The following PTCHD4 variants were observed in gnomAD, a reference collection of about 807,000 sequenced individuals.
The protein encoded by PTCHD4 is patched domain containing 4.
Under a neutral mutation model 58.1 loss-of-function variants are expected in PTCHD4, and 33 were observed. The ratio of observed to expected loss-of-function variants is 0.57; its 90% CI spans 0.43 to 0.76. PTCHD4 has a LOEUF of 0.76. Among genes scored for constraint, PTCHD4 ranks in the 30% least tolerant of loss-of-function variants. The pLI, the probability that PTCHD4 is intolerant of heterozygous loss-of-function variation, is 0.00. For missense variants in PTCHD4, 1,058 were observed against 1,027.1 expected (o/e 1.03, Z -0.41); for synonymous variants, 478 against 409.6 (o/e 1.17, Z -2.02).
At chr6:47,914,708 GTC>G (rs1382005950) in intron 4 of PTCHD4, among the ~76,000 whole-genome samples, 1 of 82,458 alleles carries the variant, frequency 1.2e-5, no homozygotes, top group African/African-American at 3.5e-5. Context: ...CTGTCTGTCT[GTC>G]TCTCTGTCTG....
chr6:48,095,669 A>G (rs1254335381), intron 1 of PTCHD4, among the ~76,000 whole-genome samples: 1 of 151,926 alleles, frequency 6.6e-6, no homozygotes, highest in Non-Finnish European at 1.5e-5. Context: ...AGCCTAGGCT[A>G]CAGAGCAAGA....
At chr6:47,914,722 C>CTATCTATCTAT (rs199624434) in intron 4 of PTCHD4, among the ~76,000 whole-genome samples, 2 of 89,636 alleles carry the variant, frequency 2.2e-5, no homozygotes, top group African/African-American at 6.7e-5. Context: ...CTCTGTCTGT[C>CTATCTATCTAT]TATCTATCTA....
chr6:48,104,645 G>A (rs1381882692), intron 1 of PTCHD4, among the ~76,000 whole-genome samples: 3 of 152,218 alleles, frequency 2.0e-5, no homozygotes, highest in Admixed American at 6.5e-5. Context: ...CAATTAAAAG[G>A]CACAGATTGG....
At chr6:47,939,119 T>G (rs1581907206) in intron 4 of PTCHD4, among the ~76,000 whole-genome samples, 1 of 151,958 alleles carries the variant, frequency 6.6e-6, no homozygotes. Flanking sequence ...GGAGAAGAGG[T>G]AGCTGAGCCT....
intron 4 of PTCHD4, among the ~76,000 whole-genome samples, chr6:47,972,319 A>G (rs1033358840): frequency 6.6e-6 from 1 of 152,214 alleles, no homozygotes; most frequent in Non-Finnish European, 1.5e-5. Flanking sequence ...AAGTGGGAGG[A>G]TAATGGTTAT....
chr6:48,050,902 C>A (rs946180846), intron 3 of PTCHD4, among the ~76,000 whole-genome samples: 5 of 152,010 alleles, frequency 3.3e-5, no homozygotes, highest in African/African-American at 1.2e-4. Context: ...ATTTTCTATT[C>A]ATGATAATTG....
chr6:48,017,902 C>A (rs1359816105), intron 3 of PTCHD4, among the ~76,000 whole-genome samples: 1 of 152,138 alleles, frequency 6.6e-6, no homozygotes, highest in Non-Finnish European at 1.5e-5. Flanking sequence ...TGCTTAGAGT[C>A]CCAAACTCAA....
chr6:47,950,223 C>T (rs550909964), intron 4 of PTCHD4, among the ~76,000 whole-genome samples: 52 of 152,160 alleles, frequency 3.4e-4, no homozygotes, highest in African/African-American at 1.2e-3. Flanking sequence ...GATTGTTTTA[C>T]TTGAAAAGCT....
Position 47,878,090 on chromosome 6 carries a change from AGAG to A in PTCHD4, c.*210_*212del. 2.3e-6 allele frequency: 1 copy of A among 441,296 alleles called. No individual in the cohort carries two copies. Among genetic ancestry groups the A allele is most frequent in the Non-Finnish European group, 4.0e-6 (1 of 250,702 alleles). 27.3% of individuals were successfully genotyped at this position (441,296 alleles called of 1,614,324 possible). A position where few individuals can be genotyped will look rare whatever the true frequency, so the allele number is the denominator to read the frequency against. On this transcript the variant is annotated 3_prime_UTR_variant, in exon 5 of 5. Transcript: ENST00000339488. ...AGATTACATCCAGAAACTTGTTTTT[AGAG>A]GAGAACAAGGTTGCAAATAACTTTT...
chr6:47,984,239 A>G (rs762096535), intron 4 of PTCHD4, among the ~76,000 whole-genome samples: 1 of 152,198 alleles, frequency 6.6e-6, no homozygotes, highest in African/African-American at 2.4e-5. Context: ...GAAACTGGGT[A>G]ATTTATAAAG....
Position 47,889,627 on chromosome 6 carries a change from G to C in PTCHD4, c.899-9691C>G, listed in dbSNP as rs1369744681. Reference sequence around the variant, plus strand: ...GAAAGGATTCCCTATTTAATAAATGGTGCTGGGAAAACTGGCTAGCCATAT... The same window carrying C: ...GAAAGGATTCCCTATTTAATAAATGCTGCTGGGAAAACTGGCTAGCCATAT... On this transcript the variant is annotated intron_variant, in intron 4 of 4. Coordinates refer to ENST00000339488, the MANE Select transcript of PTCHD4 (RefSeq NM_001384253.1). Among the ~76,000 whole-genome samples the C allele has an allele frequency of 4.6e-5, 7 of 151,876 alleles. No individual in the cohort carries two copies. The East Asian group carries it at 5.8e-4, about 13-fold the overall frequency.
At chr6:48,107,928 G>A (rs1419727841) in intron 1 of PTCHD4, among the ~76,000 whole-genome samples, 5 of 152,222 alleles carry the variant, frequency 3.3e-5, no homozygotes, top group Middle Eastern at 3.4e-3. Context: ...TTAGAATGGA[G>A]ATCATTAAAA....
At chr6:48,102,246 T>C (rs994969498) in intron 1 of PTCHD4, among the ~76,000 whole-genome samples, 1 of 152,198 alleles carries the variant, frequency 6.6e-6, no homozygotes, top group African/African-American at 2.4e-5. Context: ...AGAAATCCTC[T>C]TCCACAATTT....
rs373856392 is a variant in PTCHD4 at position 47,878,825 on chromosome 6, G to A, written c.2010C>T (p.Ile670=). 57 of 1,613,646 alleles carry A rather than the reference G, an allele frequency of 3.5e-5. No homozygotes were observed. The East Asian group carries it at 6.7e-4, about 19-fold the overall frequency. Reference sequence around the variant, plus strand: ...GGTGGATCACTAGGAAAAAAGTCAGGATTAACACCAGGAGAACACCAAAGC... The same window carrying A: ...GGTGGATCACTAGGAAAAAAGTCAGAATTAACACCAGGAGAACACCAAAGC... ...IAGFGVLLVL[I]LTFFLVIHPL... is the part of the protein sequence containing the mutation. The change falls in exon 5 of 5, where the codon ATC becomes ATT. Residue 670 remains isoleucine (I), a synonymous_variant. Coordinates refer to ENST00000339488, the MANE Select transcript of PTCHD4 (RefSeq NM_001384253.1).
Position 47,879,025 on chromosome 6 carries a change from G to C in PTCHD4, c.1810C>G (p.Arg604Gly). The stretch of plus-strand genomic sequence containing the variant: ...CTAGTCCTGGCCACCAGATACAAGC[G>C]AGAAGCAATGATATTGCTTTCATCC... ...AGDESNIIAS[R>G]LYLVARTSRD... Residue 604 changes from arginine (R) to glycine (G), a missense_variant, in exon 5 of 5, where the codon CGC becomes GGC. By Grantham distance (125) the Arg-to-Gly change is moderately radical (BLOSUM62 -2). Coordinates refer to ENST00000339488, the MANE Select transcript of PTCHD4 (RefSeq NM_001384253.1). 1 of 1,613,392 alleles carries C rather than the reference G, an allele frequency of 6.2e-7. No homozygotes were observed. Among genetic ancestry groups the C allele is most frequent in the Non-Finnish European group, 8.5e-7 (1 of 1,179,726 alleles).
At position 47,878,362 on chromosome 6, in the gene PTCHD4, T is replaced by C. The variant is rs759481495; in HGVS notation, c.2473A>G (p.Arg825Gly). The change falls in exon 5 of 5, where the codon AGA (arginine) becomes GGA (glycine). Residue 825 changes from arginine (R) to glycine (G), a missense_variant. Coordinates refer to ENST00000339488, the MANE Select transcript of PTCHD4 (RefSeq NM_001384253.1). ...ATTTCTATGCATTCAATTTCCTCTC[T>C]CTCCTTTCGCTTGGCACGTTTCTTT... ...KKKKRAKRKE[R>G]EEIECIEIQE... 1.3e-4 allele frequency: 210 copies of C among 1,611,652 alleles called. No homozygotes were observed. Among genetic ancestry groups the C allele is most frequent in the Non-Finnish European group, 1.7e-4 (200 of 1,178,956 alleles).
intron 4 of PTCHD4, among the ~76,000 whole-genome samples, chr6:47,911,352 GC>G (rs1765063210): frequency 6.6e-6 from 1 of 152,020 alleles, no homozygotes; most frequent in Non-Finnish European, 1.5e-5. Flanking sequence ...CAGCTCTTGG[GC>G]TCTGGTGACA....
intron 3 of PTCHD4, among the ~76,000 whole-genome samples, chr6:48,047,623 A>G (rs1030789972): frequency 6.6e-6 from 1 of 151,764 alleles, no homozygotes; most frequent in African/African-American, 2.4e-5. Flanking sequence ...CTAATCCCCA[A>G]TGTGATGCTA....
At chr6:47,966,263 T>C (rs1767290969) in intron 4 of PTCHD4, among the ~76,000 whole-genome samples, 1 of 152,224 alleles carries the variant, frequency 6.6e-6, no homozygotes, top group Admixed American at 6.5e-5. Flanking sequence ...TTTTGCTTTT[T>C]CAGTGCATAT....
Sources: allele counts gnomAD v4.1 joint callset (sites outside exome capture counted in the v4.1 genomes callset), GRCh38; gene constraint gnomAD v4.1.1; transcripts MANE v1.5; gene names NCBI Gene and HGNC (gene_info 2026-07-23, HGNC 2026-07-21).